CNTN1: variants seen among roughly 807,000 people sequenced by gnomAD.
CNTN1 encodes contactin-1.
A neutral mutation model predicts 126.4 loss-of-function variants in CNTN1; 38 were observed. That is an observed-to-expected ratio of 0.30 (90% confidence interval 0.23 to 0.39). The LOEUF is 0.39. Among genes scored for constraint, CNTN1 ranks in the 10% least tolerant of loss-of-function variants. The probability of loss-of-function intolerance (pLI) is 1.00; values close to 1 mark genes in which losing one functional copy is unlikely to be tolerated. For missense variants in CNTN1, 1,009 were observed against 1,248.4 expected (o/e 0.81, Z 2.89); for synonymous variants, 413 against 422.6 (o/e 0.98, Z 0.28).
At chr12:40,877,431 G>T (rs539162888) in intron 1 of CNTN1, among the ~76,000 whole-genome samples, 17 of 152,218 alleles carry the variant, frequency 1.1e-4, no homozygotes, top group African/African-American at 3.9e-4. Flanking sequence ...AGATCTAGAT[G>T]AATATTCATA....
intron 1 of CNTN1, among the ~76,000 whole-genome samples, chr12:40,712,495 G>A (rs947789102): frequency 2.0e-5 from 3 of 152,106 alleles, no homozygotes; most frequent in Non-Finnish European, 4.4e-5. Context: ...CATCTGCCTT[G>A]AGAAGCACAT....
intron 1 of CNTN1, among the ~76,000 whole-genome samples, chr12:40,858,938 G>C (rs761014704): frequency 6.6e-6 from 1 of 151,946 alleles, no homozygotes; most frequent in Non-Finnish European, 1.5e-5. Context: ...GAGAACACAC[G>C]GACATAGGGA....
chr12:40,908,059 A>T (rs1944896077), intron 1 of CNTN1, among the ~76,000 whole-genome samples: 1 of 152,214 alleles, frequency 6.6e-6, no homozygotes, highest in Non-Finnish European at 1.5e-5. Flanking sequence ...AAAGAAACCT[A>T]AACACATGAT....
At chr12:41,040,086 A>T (rs12314872) in intron 23 of CNTN1, among the ~76,000 whole-genome samples, 7,956 of 152,162 alleles carry the variant, frequency 0.052, 327 homozygotes, top group African/African-American at 0.11. Flanking sequence ...GTTAGGAATC[A>T]CACAGACCCT....
intron 1 of CNTN1, among the ~76,000 whole-genome samples, chr12:40,706,595 T>C (rs932294509): frequency 1.3e-5 from 2 of 152,058 alleles, no homozygotes; most frequent in Non-Finnish European, 2.9e-5. Context: ...ATAGGACCCC[T>C]CAAAACACAG....
chr12:40,905,639 AAAT>A (rs1350860712), intron 1 of CNTN1, among the ~76,000 whole-genome samples: 14 of 152,180 alleles, frequency 9.2e-5, no homozygotes, highest in South Asian at 2.1e-4. Flanking sequence ...TTAAAAATAA[AAAT>A]AATAATATGT....
At chr12:41,051,554 C>CA (rs201529582) in intron 23 of CNTN1, among the ~76,000 whole-genome samples, 1 of 150,064 alleles carries the variant, frequency 6.7e-6, no homozygotes, top group African/African-American at 2.4e-5. Flanking sequence ...GAAACAAAAC[C>CA]AAAAAAAATA....
intron 1 of CNTN1, among the ~76,000 whole-genome samples, chr12:40,753,859 A>G (rs1284726341): frequency 1.3e-5 from 2 of 152,166 alleles, no homozygotes; most frequent in Non-Finnish European, 2.9e-5. Context: ...AAATATGCTT[A>G]CATGTTCTTC....
intron 1 of CNTN1, among the ~76,000 whole-genome samples, chr12:40,712,363 T>C (rs763778444): frequency 6.6e-6 from 1 of 152,198 alleles, no homozygotes; most frequent in Non-Finnish European, 1.5e-5. Context: ...GTGACCAATG[T>C]AATAGTAGTG....
rs151131780 is a variant in CNTN1 at position 40,772,840 on chromosome 12, G to A, written c.-77+80248G>A. 3.2e-3 allele frequency among the ~76,000 whole-genome samples: 484 copies of A among 152,016 alleles called. 2 individuals carry two copies. The highest frequency in any genetic ancestry group is 5.7e-3 in the Non-Finnish European group (385 of 67,858). Reference sequence around the variant, plus strand: ...GAAGGGCTTCATTAGCATGGGGACAGTGAGACTAAAAAGATTGTAGACCCC... The same window carrying A: ...GAAGGGCTTCATTAGCATGGGGACAATGAGACTAAAAAGATTGTAGACCCC... On this transcript the variant is annotated intron_variant, in intron 1 of 23. Transcript: ENST00000551295.
chr12:40,884,038 T>A (rs570247057), intron 1 of CNTN1, among the ~76,000 whole-genome samples: 52 of 151,634 alleles, frequency 3.4e-4, no homozygotes, highest in African/African-American at 1.2e-3. Context: ...GAAATAATCA[T>A]GCTTTGGTGT....
At chr12:40,955,908 T>C (rs1946861816) in intron 14 of CNTN1, among the ~76,000 whole-genome samples, 1 of 152,026 alleles carries the variant, frequency 6.6e-6, no homozygotes, top group African/African-American at 2.4e-5. Flanking sequence ...GCAAGTGATA[T>C]ATGCAAAGTT....
chr12:41,009,103 T>TCC (rs1948581809), intron 17 of CNTN1, among the ~76,000 whole-genome samples: 1 of 152,210 alleles, frequency 6.6e-6, no homozygotes, highest in South Asian at 2.1e-4. Flanking sequence ...ATCTGGATTT[T>TCC]CTAGGGGAGT....
At chr12:40,964,026 G>T (rs1947206534) in intron 15 of CNTN1, among the ~76,000 whole-genome samples, 1 of 152,156 alleles carries the variant, frequency 6.6e-6, no homozygotes, top group East Asian at 1.9e-4. Flanking sequence ...AAATGAAAAA[G>T]AAATTAGGCT....
chr12:40,939,308 A>G (rs747953448), intron 11 of CNTN1, 27 bp from the exon 12 acceptor site: 1 of 1,612,304 alleles, frequency 6.2e-7, no homozygotes, highest in Middle Eastern at 1.7e-4. Context: ...ACAGAAAGAG[A>G]AAGATAACAA....
Position 40,801,010 on chromosome 12 carries a change from G to GTTTTTT in CNTN1, c.-76-107343_-76-107342insTTTTTT, listed in dbSNP as rs35813803. On this transcript the variant is annotated intron_variant, in intron 1 of 23. Transcript: ENST00000551295. Reference sequence around the variant, plus strand: ...GTGGGTAACAGCAGGTCAAACTAGAGTTTTGTTTTTTTTTTTTTTAAGATA... The same window carrying GTTTTTT: ...GTGGGTAACAGCAGGTCAAACTAGAGTTTTTTTTTTGTTTTTTTTTTTTTTAAGATA... Among the ~76,000 whole-genome samples the GTTTTTT allele has an allele frequency of 2.4e-3, 339 of 142,764 alleles. 3 individuals are homozygous for GTTTTTT. The highest frequency in any genetic ancestry group is 4.9e-3 in the African/African-American group (187 of 37,970). The allele number at this position is 142,764 out of a possible 152,430, so 93.7% of individuals were successfully genotyped here.
chr12:40,940,811 A>G (rs1177297687), intron 12 of CNTN1, among the ~76,000 whole-genome samples: 1 of 152,176 alleles, frequency 6.6e-6, no homozygotes, highest in Non-Finnish European at 1.5e-5. Context: ...AAATGATACT[A>G]CAAGAAGGGT....
intron 20 of CNTN1, 58 bp from the exon 21 acceptor site, chr12:41,025,092 T>G (rs1949010626): frequency 3.8e-6 from 6 of 1,571,322 alleles, no homozygotes; most frequent in Non-Finnish European, 5.2e-6. Flanking sequence ...GAAGAGAACT[T>G]TTCATAGCTG....
intron 15 of CNTN1, chr12:40,971,571 A>T (rs1947513488): frequency 1.9e-6 from 3 of 1,549,486 alleles, no homozygotes; most frequent in African/African-American, 1.4e-5. Context: ...ATTATACTAG[A>T]TTTGACTAAC....
Sources: allele counts gnomAD v4.1 joint callset (sites outside exome capture counted in the v4.1 genomes callset), GRCh38; gene constraint gnomAD v4.1.1; transcripts MANE v1.5; gene names NCBI Gene and HGNC (gene_info 2026-07-23, HGNC 2026-07-21).